RPS6KA5: variants seen among roughly 807,000 people sequenced by gnomAD.
The protein encoded by RPS6KA5 is ribosomal protein S6 kinase alpha-5.
A neutral mutation model predicts 85.5 loss-of-function variants in RPS6KA5; 27 were observed. The observed-to-expected ratio is 0.32, with a 90% CI of 0.23 to 0.44. The LOEUF (loss-of-function observed/expected upper bound fraction) is 0.44, where lower values mean the gene tolerates loss of function less well. Among genes scored for constraint, RPS6KA5 ranks in the 20% least tolerant of loss-of-function variants. The pLI is 1.00. For synonymous variants in RPS6KA5, 334 were observed against 348.2 expected (o/e 0.96, Z 0.46); for missense variants, 811 against 980.9 (o/e 0.83, Z 2.31).
At chr14:90,960,963 C>G (rs767364731) in intron 3 of RPS6KA5, among the ~76,000 whole-genome samples, 18 of 152,290 alleles carry the variant, frequency 1.2e-4, no homozygotes, top group Non-Finnish European at 2.2e-4. Flanking sequence ...TTCGTATACA[C>G]TCCTGGCTAC....
intron 3 of RPS6KA5, among the ~76,000 whole-genome samples, chr14:90,975,841 A>C (rs2039539703): frequency 6.6e-6 from 1 of 152,248 alleles, no homozygotes; most frequent in Non-Finnish European, 1.5e-5. Context: ...AAACAGGCAC[A>C]AAGAATAATT....
At chr14:91,049,320 A>C (rs2042979371) in intron 1 of RPS6KA5, among the ~76,000 whole-genome samples, 1 of 152,212 alleles carries the variant, frequency 6.6e-6, no homozygotes, top group Non-Finnish European at 1.5e-5. Flanking sequence ...AATGTGAAAA[A>C]AAGAGACAAG....
rs555735134 is a variant in RPS6KA5, at chr14:90,910,697, T to A, written c.807-4398A>T. ...TATCATTATTATTATTTTTTTTTTT[T>A]TTTTTTGAGACAGAGTCTGGCTCTG... On this transcript the variant is annotated intron_variant, in intron 7 of 16. Transcript: ENST00000614987. Among the ~76,000 whole-genome samples the A allele has an allele frequency of 3.3e-3, 503 of 150,894 alleles. 3 individuals carry two copies. Among genetic ancestry groups the A allele is most frequent in the Non-Finnish European group, 5.2e-3 (349 of 67,730 alleles).
intron 1 of RPS6KA5, among the ~76,000 whole-genome samples, chr14:91,026,936 C>CTGTTCATGTGCG (rs2042011084): frequency 6.6e-6 from 1 of 152,186 alleles, no homozygotes; most frequent in African/African-American, 2.4e-5. Flanking sequence ...TGAGAAGCGT[C>CTGTTCATGTGCG]TGTTCATGTG....
intron 2 of RPS6KA5, among the ~76,000 whole-genome samples, chr14:90,994,296 T>C (rs2040423150): frequency 6.6e-6 from 1 of 152,168 alleles, no homozygotes. Context: ...CTATATCTCA[T>C]CTACCAGTAA....
intron 1 of RPS6KA5, among the ~76,000 whole-genome samples, chr14:91,010,635 G>A (rs770642146): frequency 6.6e-5 from 10 of 152,184 alleles, no homozygotes; most frequent in Non-Finnish European, 1.3e-4. Flanking sequence ...CATTATAGGG[G>A]TGTGGATGGA....
At chr14:90,959,421 T>G (rs1354186791) in intron 3 of RPS6KA5, among the ~76,000 whole-genome samples, 1 of 152,166 alleles carries the variant, frequency 6.6e-6, no homozygotes, top group African/African-American at 2.4e-5. Flanking sequence ...GGGAGATCAC[T>G]CGCAATAATA....
Position 91,060,380 on chromosome 14 carries a change from CG to C in RPS6KA5, c.54del (p.Gly19AlafsTer19). 6.6e-7 allele frequency: 1 copy of C among 1,508,192 alleles called. No homozygotes were observed. The highest frequency in any genetic ancestry group is 8.9e-7 in the Non-Finnish European group (1 of 1,122,738). 93.4% of individuals were successfully genotyped at this position (1,508,192 alleles called of 1,614,324 possible). On this transcript the variant is annotated frameshift_variant, in exon 1 of 17. Coordinates refer to ENST00000614987, the MANE Select transcript of RPS6KA5 (RefSeq NM_004755.4). LOFTEE classifies it high-confidence loss of function. ...GTGAGGAGCTGCTCTCCTCCGTCGC[CG>C]CCGTCCGCGCTGGTCCCCGCGGCGC... ...SGGAAGTSAD[G>X]GDGGEQLLTV...
intron 1 of RPS6KA5, among the ~76,000 whole-genome samples, chr14:91,045,345 A>C (rs555373406): frequency 2.0e-5 from 3 of 151,290 alleles, no homozygotes; most frequent in East Asian, 3.9e-4. Context: ...GCTCACTGCA[A>C]CCTCTGTGTC....
intron 4 of RPS6KA5, among the ~76,000 whole-genome samples, chr14:90,945,695 A>T (rs912541940): frequency 2.0e-5 from 3 of 152,220 alleles, no homozygotes; most frequent in Non-Finnish European, 2.9e-5. Flanking sequence ...TGTGTTTGAC[A>T]ATCAGCAAGT....
At chr14:90,927,440 CTA>C (rs1252926605) in intron 5 of RPS6KA5, among the ~76,000 whole-genome samples, 1 of 151,958 alleles carries the variant, frequency 6.6e-6, no homozygotes. Context: ...TAAAATCCAG[CTA>C]TATGTTATTT....
intron 13 of RPS6KA5, among the ~76,000 whole-genome samples, chr14:90,893,614 C>A (rs1164929270): frequency 6.6e-6 from 1 of 151,876 alleles, no homozygotes; most frequent in Admixed American, 6.6e-5. Flanking sequence ...TATATATACT[C>A]GAGAACATAT....
Position 90,866,155 on chromosome 14 carries a change from G to A in RPS6KA5, c.*5919C>T, listed in dbSNP as rs999402992. The stretch of plus-strand genomic sequence containing the variant: ...AAAATACGAGAAAAAGTGCATGTAC[G>A]GAGTATGGGATGAACTGATGCAGTT... On this transcript the variant is annotated 3_prime_UTR_variant, in exon 17 of 17. Coordinates refer to ENST00000614987, the MANE Select transcript of RPS6KA5 (RefSeq NM_004755.4). 6 of 152,278 alleles carry A rather than the reference G, an allele frequency of 3.9e-5. No homozygotes were observed. The South Asian group carries it at 1.2e-3, about 32-fold the overall frequency. 9.4% of individuals were successfully genotyped at this position (152,278 alleles called of 1,614,324 possible). A position where few individuals can be genotyped will look rare whatever the true frequency, so the allele number is the denominator to read the frequency against.
intron 5 of RPS6KA5, among the ~76,000 whole-genome samples, chr14:90,928,642 T>C (rs1039347941): frequency 1.3e-5 from 2 of 150,720 alleles, no homozygotes; most frequent in African/African-American, 4.9e-5. Flanking sequence ...TCTATAAAAA[T>C]GTTAACATTC....
chr14:90,867,538 TAATA>T lies in RPS6KA5; in HGVS notation c.*4532_*4535del, dbSNP rs886289180. 14 of 152,170 alleles carry T rather than the reference TAATA, an allele frequency of 9.2e-5. No homozygotes were observed. The highest frequency in any genetic ancestry group is 1.8e-4 in the Non-Finnish European group (12 of 68,016). The allele number at this position is 152,170 out of a possible 1,614,324, so 9.4% of individuals were successfully genotyped here. ...TCTGATAACCCAAGCAGCATTATAT[TAATA>T]GTTAGAATACTACTACAAAATGTCC... On this transcript the variant is annotated 3_prime_UTR_variant, in exon 17 of 17. Transcript: ENST00000614987.
intron 1 of RPS6KA5, among the ~76,000 whole-genome samples, chr14:91,009,788 G>T (rs2041181131): frequency 6.6e-6 from 1 of 152,142 alleles, no homozygotes; most frequent in South Asian, 2.1e-4. Flanking sequence ...AGAGTTACTA[G>T]GAGAAAGGCA....
intron 2 of RPS6KA5, among the ~76,000 whole-genome samples, chr14:90,997,924 A>T (rs1264814338): frequency 1.3e-5 from 2 of 149,974 alleles, no homozygotes; most frequent in African/African-American, 4.9e-5. Context: ...GAGGCAGGGG[A>T]ATTACTTGAA....
chr14:90,871,443 C>G lies in RPS6KA5; in HGVS notation c.*631G>C, dbSNP rs2033104787. On this transcript the variant is annotated 3_prime_UTR_variant, in exon 17 of 17. Transcript: ENST00000614987. ...CATACACATAGCTTAGCATGCATCT[C>G]AGATGGATCCCGAATACAGAGTATG... is the stretch of plus-strand genomic sequence containing the variant. 1 of 151,092 alleles carries G rather than the reference C, an allele frequency of 6.6e-6. No homozygotes were observed. Among genetic ancestry groups the G allele is most frequent in the African/African-American group, 2.4e-5 (1 of 41,138 alleles). 9.4% of individuals were successfully genotyped at this position (151,092 alleles called of 1,614,324 possible).
At chr14:91,032,980 T>A (rs1360840192) in intron 1 of RPS6KA5, among the ~76,000 whole-genome samples, 1 of 151,420 alleles carries the variant, frequency 6.6e-6, no homozygotes, top group African/African-American at 2.4e-5. Context: ...GACCAGGAGA[T>A]TGAGACCATC....
Sources: gnomAD v4.1 joint callset for allele counts (sites outside exome capture counted in the v4.1 genomes callset) on GRCh38, gnomAD v4.1.1 for gene constraint, MANE v1.5 for transcripts, NCBI Gene and HGNC (gene_info 2026-07-23, HGNC 2026-07-21) for gene names.